Variants in GALNT13 observed in about 807,000 individuals in gnomAD.
The protein encoded by GALNT13 is polypeptide N-acetylgalactosaminyltransferase 13.
In GALNT13, 28 loss-of-function variants were observed where a neutral mutation model predicts 64.2. The observed-to-expected ratio is 0.44, with a 90% CI of 0.32 to 0.60. GALNT13 has a LOEUF of 0.60. Among genes scored for constraint, GALNT13 ranks in the 20% least tolerant of loss-of-function variants. GALNT13 has a pLI of 0.05. For missense variants in GALNT13, 577 were observed against 669.8 expected (o/e 0.86, Z 1.53); for synonymous variants, 214 against 224.6 (o/e 0.95, Z 0.42).
chr2:154,096,338 G>A (rs139039826), intron 3 of GALNT13, among the ~76,000 whole-genome samples: 1 of 152,040 alleles, frequency 6.6e-6, no homozygotes, highest in East Asian at 1.9e-4. Flanking sequence ...GGAGAAGGGA[G>A]ACAAATAGTC....
intron 10 of GALNT13, among the ~76,000 whole-genome samples, chr2:154,401,485 T>C (rs1223012784): frequency 6.6e-6 from 1 of 152,154 alleles, no homozygotes; most frequent in African/African-American, 2.4e-5. Flanking sequence ...TTTCTGAATA[T>C]GTGTATGTGT....
intron 3 of GALNT13, among the ~76,000 whole-genome samples, chr2:154,043,057 A>G (rs964415853): frequency 3.9e-5 from 6 of 152,072 alleles, no homozygotes; most frequent in Non-Finnish European, 7.4e-5. Flanking sequence ...AACTGTTTGA[A>G]CTAACCAAGT....
chr2:153,972,034 T>C (rs1693775886), intron 3 of GALNT13, among the ~76,000 whole-genome samples: 1 of 152,060 alleles, frequency 6.6e-6, no homozygotes. Context: ...AGTATAGTTA[T>C]GTTGTCACAT....
intron 11 of GALNT13, among the ~76,000 whole-genome samples, chr2:154,438,328 A>G (rs963599980): frequency 1.3e-5 from 2 of 152,216 alleles, no homozygotes; most frequent in Non-Finnish European, 2.9e-5. Flanking sequence ...TGAAAGAACT[A>G]CAGTGCCAGC....
At chr2:153,202,045 C>T in the GALNT13 span, among the ~76,000 whole-genome samples, 2 of 143,430 alleles carry the variant, frequency 1.4e-5, no homozygotes, top group African/African-American at 2.6e-5. Flanking sequence ...ACTGCAGTGG[C>T]GCAATCTCGG....
chr2:154,100,445 G>GTTT (rs1702289077), intron 3 of GALNT13, among the ~76,000 whole-genome samples: 1 of 151,970 alleles, frequency 6.6e-6, no homozygotes, highest in South Asian at 2.1e-4. Context: ...ATATTCCTAG[G>GTTT]TATTTTATTT....
chr2:153,112,312 C>T, the GALNT13 span, among the ~76,000 whole-genome samples: 2 of 152,086 alleles, frequency 1.3e-5, no homozygotes, highest in Non-Finnish European at 2.9e-5. Flanking sequence ...GAAGGCTCTA[C>T]CCTTCATTAG....
At chr2:154,420,483 G>T (rs114264375) in intron 11 of GALNT13, among the ~76,000 whole-genome samples, 4 of 151,894 alleles carry the variant, frequency 2.6e-5, no homozygotes, top group Non-Finnish European at 5.9e-5. Flanking sequence ...TGCCTAATTC[G>T]TTTTGACTTG....
At chr2:153,447,814 T>C in the GALNT13 span, among the ~76,000 whole-genome samples, 2 of 152,194 alleles carry the variant, frequency 1.3e-5, no homozygotes, top group African/African-American at 4.8e-5. Context: ...AATAAATTGA[T>C]TTAAAAAATG....
intron 9 of GALNT13, among the ~76,000 whole-genome samples, chr2:154,330,460 G>A (rs1695107010): frequency 1.3e-5 from 2 of 152,082 alleles, no homozygotes; most frequent in Admixed American, 1.3e-4. Context: ...AGCTAAATAT[G>A]GTAAGACAGA....
At chr2:153,344,075 A>C in the GALNT13 span, among the ~76,000 whole-genome samples, 1 of 152,052 alleles carries the variant, frequency 6.6e-6, no homozygotes, top group Non-Finnish European at 1.5e-5. Flanking sequence ...TCCCTGAAAC[A>C]TTTGAGAGTA....
intron 4 of GALNT13, 106 bp from the exon 5 acceptor site, chr2:154,241,924 T>C: frequency 3.4e-6 from 2 of 585,832 alleles, no homozygotes; most frequent in Non-Finnish European, 5.6e-6. Context: ...ATTTCCTTAG[T>C]AAGGGGCTTT....
At chr2:154,125,595 A>G (rs572300560) in intron 3 of GALNT13, among the ~76,000 whole-genome samples, 1 of 152,322 alleles carries the variant, frequency 6.6e-6, no homozygotes, top group African/African-American at 2.4e-5. Flanking sequence ...AAAACGCAAA[A>G]AAGTGGAGCA....
At chr2:154,219,471 G>A (rs1688214012) in intron 4 of GALNT13, among the ~76,000 whole-genome samples, 1 of 152,016 alleles carries the variant, frequency 6.6e-6, no homozygotes, top group Admixed American at 6.6e-5. Flanking sequence ...AAATGTACAT[G>A]TAAATCTTTC....
intron 11 of GALNT13, among the ~76,000 whole-genome samples, chr2:154,418,569 T>TC: frequency 6.6e-6 from 1 of 152,228 alleles, no homozygotes; most frequent in Non-Finnish European, 1.5e-5. Flanking sequence ...GGCTAGATTT[T>TC]CCCCCAGACC....
the GALNT13 span, among the ~76,000 whole-genome samples, chr2:153,533,723 C>CTTTTTTTTTTTTT: frequency 0.017 from 817 of 48,576 alleles, 132 homozygotes; most frequent in Non-Finnish European, 0.021. Context: ...TGAGGTTTTT[C>CTTTTTTTTTTTTT]TTTTTTTTTT....
chr2:153,676,971 C>A, the GALNT13 span, among the ~76,000 whole-genome samples: 1 of 151,976 alleles, frequency 6.6e-6, no homozygotes, highest in Admixed American at 6.6e-5. Context: ...TGGAACAAGA[C>A]AAGCATGGCC....
At chr2:153,146,841 A>T in the GALNT13 span, among the ~76,000 whole-genome samples, 5 of 151,904 alleles carry the variant, frequency 3.3e-5, no homozygotes, top group Admixed American at 6.6e-5. Context: ...CTATTTGCTC[A>T]TGGGATTTAT....
intron 3 of GALNT13, among the ~76,000 whole-genome samples, chr2:154,108,108 A>G (rs1480320439): frequency 6.6e-6 from 1 of 151,964 alleles, no homozygotes; most frequent in East Asian, 1.9e-4. Flanking sequence ...TTTTGGATAA[A>G]TACACAGAAG....
Sources: gnomAD v4.1 joint callset for allele counts (sites outside exome capture counted in the v4.1 genomes callset) on GRCh38, gnomAD v4.1.1 for gene constraint, MANE v1.5 for transcripts, NCBI Gene and HGNC (gene_info 2026-07-23, HGNC 2026-07-21) for gene names.